CD300C: variants seen among roughly 807,000 people sequenced by gnomAD.
CD300C encodes the protein CD300c molecule.
CD300C carries 11 observed loss-of-function variants against 18.4 expected under a neutral mutation model. The ratio of observed to expected loss-of-function variants is 0.60; its 90% CI spans 0.38 to 0.99. The LOEUF (loss-of-function observed/expected upper bound fraction) is 0.99. Among genes scored for constraint, CD300C ranks in the 50% least tolerant of loss-of-function variants. CD300C has a pLI of 0.01. For synonymous variants in CD300C, 116 were observed against 116.3 expected (o/e 1.00, Z 0.02); for missense variants, 277 against 287.4 (o/e 0.96, Z 0.26).
chr17:74,545,639 G>A (rs1908733475), intron 1 of CD300C, 83 bp downstream of exon 1: 8 of 1,106,366 alleles, frequency 7.2e-6, no homozygotes, highest in African/African-American at 1.6e-5. Context: ...TCCCCTCTAT[G>A]ACCGCTACTC....
chr17:74,538,926 A>G (rs972610553), downstream of CD300C, among the ~76,000 whole-genome samples: 1 of 152,236 alleles, frequency 6.6e-6, no homozygotes, highest in Non-Finnish European at 1.5e-5. Flanking sequence ...GGGAACAGAC[A>G]TGTTGGACAG....
At chr17:74,543,921 G>T (rs1447249696) in intron 2 of CD300C, among the ~76,000 whole-genome samples, 1 of 152,132 alleles carries the variant, frequency 6.6e-6, no homozygotes, top group Non-Finnish European at 1.5e-5. Flanking sequence ...TGTGGTAAAA[G>T]GTGCCAGAGA....
At chr17:74,536,239 C>T (rs4789073), downstream of CD300C, among the ~76,000 whole-genome samples, 63,581 of 151,864 alleles carry the variant, frequency 0.42, 15,509 homozygotes, top group Middle Eastern at 0.64. Context: ...ATCATAAAGC[C>T]AATAGCCCAG....
At position 74,545,835 on chromosome 17, in the gene CD300C, A is replaced by C; in HGVS notation, c.-53T>G. On this transcript the variant is annotated 5_prime_UTR_variant, in exon 1 of 4. In the 5' UTR this introduces an upstream ATG that the reference lacks. Coordinates refer to ENST00000330793, the MANE Select transcript of CD300C (RefSeq NM_006678.5). ...TGTGCAAGACCCCAGGAGGGGACAAAATGTAATCTCCTCCCAGCAGATCTG... is the reference window on the plus strand; with the variant it reads ...TGTGCAAGACCCCAGGAGGGGACAACATGTAATCTCCTCCCAGCAGATCTG... 7.0e-7 allele frequency: 1 copy of C among 1,422,176 alleles called. No individual in the cohort carries two copies. The highest frequency in any genetic ancestry group is 9.8e-7 in the Non-Finnish European group (1 of 1,018,492). 88.1% of individuals were successfully genotyped at this position (1,422,176 alleles called of 1,614,324 possible).
chr17:74,545,399 CGT>C (rs1335060630), intron 1 of CD300C, among the ~76,000 whole-genome samples: 2 of 148,920 alleles, frequency 1.3e-5, no homozygotes, highest in Non-Finnish European at 3.0e-5. Flanking sequence ...TGAGTGTGAC[CGT>C]GTGTGCGTGT....
rs1249522464 is a variant in CD300C, at chr17:74,542,991, T to C, written c.401-4A>G. The C allele has an allele frequency of 6.2e-7, 1 of 1,613,420 alleles. No homozygotes were observed. Among genetic ancestry groups the C allele is most frequent in the Non-Finnish European group, 8.5e-7 (1 of 1,180,006 alleles). ...CTGGAGGCTGTGGTCGTCCCGGCTGTGGGTGAAACACAGGTCAACCTTGAT... is the reference window on the plus strand; with the variant it reads ...CTGGAGGCTGTGGTCGTCCCGGCTGCGGGTGAAACACAGGTCAACCTTGAT... On this transcript the variant is annotated splice_polypyrimidine_tract_variant and splice_region_variant and intron_variant, in intron 2 of 3. Transcript: ENST00000330793.
rs894373498 is a variant in CD300C, at chr17:74,545,964, G to T, written c.-182C>A. On this transcript the variant is annotated 5_prime_UTR_variant, in exon 1 of 4. Transcript: ENST00000330793. ...GTACAGGAAGCTCAGGGAGAGAGCC[G>T]CCTGGGCTGAGGCCGGTGCTGACAG... 5 of 604,088 alleles carry T rather than the reference G, an allele frequency of 8.3e-6. No individual in the cohort carries two copies. The East Asian group carries it at 1.1e-4, about 14-fold the overall frequency. The allele number at this position is 604,088 out of a possible 1,614,324, so 37.4% of individuals were successfully genotyped here.
downstream of CD300C, among the ~76,000 whole-genome samples, chr17:74,536,937 C>A (rs11652446): frequency 0.55 from 81,423 of 148,746 alleles, 22,390 homozygotes; most frequent in Middle Eastern, 0.69. Context: ...AATGGCAACA[C>A]AAAAAGAAGA....
chr17:74,541,470 G>T lies in CD300C; in HGVS notation c.*119C>A. On this transcript the variant is annotated 3_prime_UTR_variant, in exon 4 of 4. Transcript: ENST00000330793. Reference sequence around the variant, plus strand: ...CGGGCACAGGGAAAAGGCTGAAGGAGGCTCACAAAGGATTCCAGGAGATGT... The same window carrying T: ...CGGGCACAGGGAAAAGGCTGAAGGATGCTCACAAAGGATTCCAGGAGATGT... 1 of 730,704 alleles carries T rather than the reference G, an allele frequency of 1.4e-6. No homozygotes were observed. Among genetic ancestry groups the T allele is most frequent in the South Asian group, 1.6e-5 (1 of 64,036 alleles). The allele number at this position is 730,704 out of a possible 1,614,324, so 45.3% of individuals were successfully genotyped here. A position where few individuals can be genotyped will look rare whatever the true frequency, so the allele number is the denominator to read the frequency against.
At position 74,541,630 on chromosome 17, in the gene CD300C, A is replaced by G. The variant is rs1386302765; in HGVS notation, c.634T>C (p.Ser212Pro). The change falls in exon 4 of 4, where the codon TCT becomes CCT. Residue 212 changes from serine to proline, a missense_variant. Coordinates refer to ENST00000330793, the MANE Select transcript of CD300C (RefSeq NM_006678.5). ...TTGGGCCAATTCTGCCTGCTTCTAG[A>G]GCTTCTCTGAGGTCTGTTCACCCAG... ...VLWVNRPQRS[S>P]RSRQNWPKGE... 1.2e-6 allele frequency: 2 copies of G among 1,613,882 alleles called. No homozygotes were observed. The highest frequency in any genetic ancestry group is 1.1e-5 in the South Asian group (1 of 91,054).
intron 1 of CD300C, 73 bp downstream of exon 1, chr17:74,545,649 C>G (rs1908734361): frequency 5.7e-6 from 7 of 1,222,386 alleles, no homozygotes; most frequent in Non-Finnish European, 8.2e-6. Context: ...GACCGCTACT[C>G]CAGCGCCTGC....
At chr17:74,543,203 A>G (rs1908621059) in intron 2 of CD300C, among the ~76,000 whole-genome samples, 1 of 152,186 alleles carries the variant, frequency 6.6e-6, no homozygotes, top group African/African-American at 2.4e-5. Context: ...ACACCATTTC[A>G]GATGTGAGAG....
chr17:74,540,989 C>A (rs1908525849), downstream of CD300C: 1 of 152,412 alleles, frequency 6.6e-6, no homozygotes, highest in Non-Finnish European at 1.5e-5. Context: ...TGCAGGGACC[C>A]CCATTCCGAG....
chr17:74,537,921 T>C (rs1377657870), downstream of CD300C, among the ~76,000 whole-genome samples: 2 of 152,080 alleles, frequency 1.3e-5, no homozygotes, highest in East Asian at 1.9e-4. Flanking sequence ...GTAAGACCCA[T>C]CTCTATAAAA....
At chr17:74,543,313 G>A (rs905101739) in intron 2 of CD300C, among the ~76,000 whole-genome samples, 2 of 152,242 alleles carry the variant, frequency 1.3e-5, no homozygotes, top group Non-Finnish European at 2.9e-5. Context: ...TTTACTCTGC[G>A]AAGGGTGACC....
intron 1 of CD300C, 152 bp from the exon 2 acceptor site, chr17:74,545,099 A>G: frequency 1.4e-6 from 1 of 713,712 alleles, no homozygotes; most frequent in Non-Finnish European, 2.3e-6. Flanking sequence ...TGAGGGTGGG[A>G]GGCTCCCTCT....
chr17:74,545,258 C>T (rs1266146465), intron 1 of CD300C, among the ~76,000 whole-genome samples: 3 of 149,526 alleles, frequency 2.0e-5, no homozygotes, highest in African/African-American at 7.4e-5. Context: ...GTGAGTGTGA[C>T]TGTGTGTGAC....
At chr17:74,537,309 G>T (rs749888613), downstream of CD300C, among the ~76,000 whole-genome samples, 1 of 152,198 alleles carries the variant, frequency 6.6e-6, no homozygotes, top group Non-Finnish European at 1.5e-5. Context: ...ATACAAAGAA[G>T]TGACACATCA....
At chr17:74,541,841 C>T in intron 3 of CD300C, 105 bp from the exon 4 acceptor site, 1 of 1,251,880 alleles carries the variant, frequency 8.0e-7, no homozygotes, top group Non-Finnish European at 1.1e-6. Context: ...CCACAGCCAA[C>T]CACATAAGCA....
Sources: allele counts gnomAD v4.1 joint callset (sites outside exome capture counted in the v4.1 genomes callset), GRCh38; gene constraint gnomAD v4.1.1; transcripts MANE v1.5; gene names NCBI Gene and HGNC (gene_info 2026-07-23, HGNC 2026-07-21).